Variants in XKR9 observed in about 807,000 individuals in gnomAD.
XKR9 encodes XK related 9, also known as XK-related protein 9.
In XKR9, 32 loss-of-function variants were observed where a neutral mutation model predicts 32.0. That is an observed-to-expected ratio of 1.00 (90% CI 0.76 to 1.34). The LOEUF is 1.34. Among genes scored for constraint, XKR9 ranks in the 40% most tolerant of loss-of-function variants. The pLI is 0.00. For synonymous variants in XKR9, 168 were observed against 143.4 expected (o/e 1.17, Z -1.22); for missense variants, 546 against 429.7 (o/e 1.27, Z -2.39).
chr8:70,693,304 G>A (rs951547955), intron 3 of XKR9, among the ~76,000 whole-genome samples: 2 of 152,132 alleles, frequency 1.3e-5, no homozygotes, highest in African/African-American at 4.8e-5. Context: ...TTCAGTGGGG[G>A]TATATTAGTG....
downstream of XKR9, among the ~76,000 whole-genome samples, chr8:70,736,749 G>C (rs376908809): frequency 2.0e-5 from 3 of 151,666 alleles, no homozygotes; most frequent in East Asian, 1.9e-4. Context: ...GCTTGTTTTT[G>C]TCAGGTTTGT....
the XKR9 span, among the ~76,000 whole-genome samples, chr8:70,977,463 T>A: frequency 2.0e-5 from 3 of 152,190 alleles, no homozygotes; most frequent in Admixed American, 6.5e-5. Flanking sequence ...GTTCTCATGG[T>A]TTCAAAGAAA....
At chr8:70,849,042 C>T in the XKR9 span, among the ~76,000 whole-genome samples, 1 of 152,084 alleles carries the variant, frequency 6.6e-6, no homozygotes, top group Non-Finnish European at 1.5e-5. Context: ...ATCAACAAGA[C>T]AGAAAATTAA....
At chr8:70,817,656 C>G in the XKR9 span, among the ~76,000 whole-genome samples, 1 of 151,966 alleles carries the variant, frequency 6.6e-6, no homozygotes, top group Admixed American at 6.6e-5. Flanking sequence ...CCAAAAAGCC[C>G]CAGTAGCCAA....
the XKR9 span, among the ~76,000 whole-genome samples, chr8:70,850,487 A>G: frequency 1.3e-5 from 2 of 148,240 alleles, no homozygotes; most frequent in Non-Finnish European, 3.0e-5. Context: ...AAAAAAAAGA[A>G]AGAAAATTTC....
chr8:70,864,012 T>A, the XKR9 span, among the ~76,000 whole-genome samples: 2 of 152,302 alleles, frequency 1.3e-5, no homozygotes, highest in East Asian at 3.9e-4. Context: ...CACTTGGGCA[T>A]GCAAATCACA....
intron 2 of XKR9, among the ~76,000 whole-genome samples, chr8:70,780,322 T>C (rs1454007205): frequency 1.3e-5 from 2 of 152,118 alleles, no homozygotes; most frequent in African/African-American, 2.4e-5. Flanking sequence ...GATGTTTAGA[T>C]AATTTATTTT....
chr8:70,938,771 C>T, the XKR9 span, among the ~76,000 whole-genome samples: 196 of 152,160 alleles, frequency 1.3e-3, no homozygotes, highest in East Asian at 8.5e-3. Flanking sequence ...TCCAGCTGGA[C>T]ATCTTCTCCC....
At chr8:70,830,277 T>G in the XKR9 span, among the ~76,000 whole-genome samples, 1 of 152,300 alleles carries the variant, frequency 6.6e-6, no homozygotes, top group African/African-American at 2.4e-5. Context: ...GTCATTTGTG[T>G]GAGCTTAAGA....
intron 2 of XKR9, among the ~76,000 whole-genome samples, chr8:70,679,323 G>GA (rs1818991970): frequency 6.6e-6 from 1 of 152,076 alleles, no homozygotes; most frequent in Non-Finnish European, 1.5e-5. Flanking sequence ...CATTTACTGG[G>GA]CCCTAACTGT....
chr8:70,738,875 G>T (rs1458894295), downstream of XKR9, among the ~76,000 whole-genome samples: 1 of 152,164 alleles, frequency 6.6e-6, no homozygotes, highest in Non-Finnish European at 1.5e-5. Context: ...TTGCTGAGGA[G>T]AGCTTTACTT....
intron 3 of XKR9, among the ~76,000 whole-genome samples, chr8:70,687,589 C>T (rs1563423077): frequency 6.6e-6 from 1 of 151,940 alleles, no homozygotes; most frequent in Non-Finnish European, 1.5e-5. Context: ...AGGCTGGTCT[C>T]GAACTCCTGG....
intron 3 of XKR9, among the ~76,000 whole-genome samples, chr8:70,687,354 C>CTTTCTTTCT (rs1819329291): frequency 6.8e-6 from 1 of 146,182 alleles, no homozygotes; most frequent in Non-Finnish European, 1.5e-5. Flanking sequence ...TTCTTTCTTT[C>CTTTCTTTCT]TTTCTCTCTT....
chr8:70,886,399 A>G, the XKR9 span, among the ~76,000 whole-genome samples: 8 of 152,214 alleles, frequency 5.3e-5, no homozygotes, highest in Non-Finnish European at 8.8e-5. Context: ...CTTTGGGTGT[A>G]TACCAAATAA....
At chr8:70,680,351 G>T (rs926616657) in intron 2 of XKR9, among the ~76,000 whole-genome samples, 37 of 151,970 alleles carry the variant, frequency 2.4e-4, no homozygotes, top group African/African-American at 8.7e-4. Flanking sequence ...GTACATTTTT[G>T]AATATTTCCC....
In XKR9 at chr8:70,690,933, G is replaced by C. The variant is rs528060868; in HGVS notation, c.272+9603G>C. On this transcript the variant is annotated intron_variant, in intron 3 of 4. Transcript: ENST00000408926. ...GTAGAATGCTCTGGGTATATACCCAGTAATGGAATTGCTGGGTCGAATGGT... is the reference window on the plus strand; with the variant it reads ...GTAGAATGCTCTGGGTATATACCCACTAATGGAATTGCTGGGTCGAATGGT... 3.0e-4 allele frequency among the ~76,000 whole-genome samples: 46 copies of C among 152,298 alleles called. 1 individual carries two copies. Among genetic ancestry groups the C allele is most frequent in the African/African-American group, 1.1e-3 (46 of 41,564 alleles).
chr8:70,717,305 A>G (rs1172592358), intron 4 of XKR9, among the ~76,000 whole-genome samples: 2 of 152,124 alleles, frequency 1.3e-5, no homozygotes, highest in Non-Finnish European at 2.9e-5. Flanking sequence ...CTCCAACCCC[A>G]CATTTCCCTT....
At chr8:70,821,526 T>TA in the XKR9 span, among the ~76,000 whole-genome samples, 23 of 152,316 alleles carry the variant, frequency 1.5e-4, 1 homozygote, top group Non-Finnish European at 2.6e-4. Flanking sequence ...TGCACTACCC[T>TA]AGCAGAGGTT....
chr8:71,062,903 C>T, the XKR9 span, among the ~76,000 whole-genome samples: 2 of 152,132 alleles, frequency 1.3e-5, no homozygotes, highest in Non-Finnish European at 2.9e-5. Flanking sequence ...ATTGATTACA[C>T]TGCTTCTTTG....
Sources: allele counts gnomAD v4.1 joint callset (sites outside exome capture counted in the v4.1 genomes callset), GRCh38; gene constraint gnomAD v4.1.1; transcripts MANE v1.5; gene names NCBI Gene and HGNC (gene_info 2026-07-23, HGNC 2026-07-21).